The following DTNBP1 variants were observed in gnomAD, a reference collection of about 807,000 sequenced individuals.
DTNBP1 encodes dystrobrevin binding protein 1, also known as dysbindin.
In DTNBP1, 35 loss-of-function variants were observed where a neutral mutation model predicts 42.8. The ratio of observed to expected loss-of-function variants is 0.82; its 90% CI spans 0.63 to 1.09. The LOEUF (loss-of-function observed/expected upper bound fraction) is 1.09, where lower values mean the gene tolerates loss of function less well. Ranked by LOEUF, DTNBP1 falls within the 50% of genes least tolerant of loss-of-function variation. DTNBP1 has a pLI of 0.00. For missense variants in DTNBP1, 457 were observed against 424.2 expected, an observed-to-expected ratio of 1.08 and a Z score of -0.68; for synonymous variants, 171 against 162.2, an observed-to-expected ratio of 1.05 and a Z score of -0.41.
intron 8 of DTNBP1, among the ~76,000 whole-genome samples, chr6:15,531,857 C>G (rs1772852947): frequency 6.6e-6 from 1 of 152,252 alleles, no homozygotes; most frequent in Non-Finnish European, 1.5e-5. Context: ...TGGTCTCCAT[C>G]TCTTGACCTC....
At chr6:15,592,351 C>T (rs1776333962) in intron 7 of DTNBP1, among the ~76,000 whole-genome samples, 1 of 152,184 alleles carries the variant, frequency 6.6e-6, no homozygotes, top group Admixed American at 6.5e-5. Context: ...AGGATTTCTA[C>T]TACTTAATTG....
chr6:15,557,814 A>G (rs1460668648), intron 7 of DTNBP1, among the ~76,000 whole-genome samples: 1 of 152,112 alleles, frequency 6.6e-6, no homozygotes, highest in Non-Finnish European at 1.5e-5. Flanking sequence ...GTGACCTAGG[A>G]TTCTATTTTA....
intron 4 of DTNBP1, among the ~76,000 whole-genome samples, chr6:15,629,681 T>C (rs967508839): frequency 6.6e-5 from 10 of 152,294 alleles, no homozygotes; most frequent in Admixed American, 2.6e-4. Context: ...ACATATATTA[T>C]CTCATTTAAA....
intron 4 of DTNBP1, among the ~76,000 whole-genome samples, chr6:15,628,856 T>G (rs573755704): frequency 6.6e-6 from 1 of 152,342 alleles, no homozygotes; most frequent in African/African-American, 2.4e-5. Context: ...TGTTCGTACA[T>G]TTCACTATAG....
rs58633601 is a variant in DTNBP1, at chr6:15,627,790, GA to G, written c.223-316del. Among the ~76,000 whole-genome samples, 22,711 of 114,210 alleles carry G rather than the reference GA, an allele frequency of 0.2. 2,515 individuals are homozygous for G. Among genetic ancestry groups the G allele is most frequent in the African/African-American group, 0.37 (12,650 of 34,036 alleles). 74.9% of individuals were successfully genotyped at this position (114,210 alleles called of 152,430 possible). A position where few individuals can be genotyped will look rare whatever the true frequency, so the allele number is the denominator to read the frequency against. On this transcript the variant is annotated intron_variant, in intron 4 of 9. Coordinates refer to ENST00000344537, the MANE Select transcript of DTNBP1 (RefSeq NM_032122.5). ...CCATGTATTTGAAAAGCTAAATCTA[GA>G]AAAAAAAAAAACAAAAACAAAAAAC...
chr6:15,661,089 A>G (rs1761586801), intron 1 of DTNBP1, among the ~76,000 whole-genome samples: 1 of 152,250 alleles, frequency 6.6e-6, no homozygotes, highest in South Asian at 2.1e-4. Context: ...GACGCATGGT[A>G]AGTGCTCAAG....
At chr6:15,642,875 A>C (rs1257943508) in intron 3 of DTNBP1, among the ~76,000 whole-genome samples, 2 of 152,254 alleles carry the variant, frequency 1.3e-5, no homozygotes, top group African/African-American at 4.8e-5. Context: ...ATGAGAAGGA[A>C]TCAATGCAAG....
intron 7 of DTNBP1, among the ~76,000 whole-genome samples, chr6:15,533,795 G>A (rs1773040104): frequency 6.6e-6 from 1 of 152,186 alleles, no homozygotes; most frequent in East Asian, 1.9e-4. Context: ...GACTTTTGCA[G>A]CTGACTTACA....
chr6:15,555,463 C>T (rs1396916502), intron 7 of DTNBP1, among the ~76,000 whole-genome samples: 7 of 152,068 alleles, frequency 4.6e-5, no homozygotes, highest in Admixed American at 4.6e-4. Flanking sequence ...GTAATAAAGA[C>T]CCTGCTGATA....
chr6:15,597,301 C>A (rs1490005014), intron 6 of DTNBP1, among the ~76,000 whole-genome samples: 8 of 152,112 alleles, frequency 5.3e-5, no homozygotes, highest in Non-Finnish European at 1.0e-4. Flanking sequence ...GTAGGAAAGG[C>A]CTCCTGGAGA....
intron 7 of DTNBP1, among the ~76,000 whole-genome samples, chr6:15,557,865 T>C (rs974154850): frequency 1.3e-5 from 2 of 152,146 alleles, no homozygotes; most frequent in Non-Finnish European, 2.9e-5. Context: ...TGACAAACTT[T>C]CCAAAGTAAA....
chr6:15,532,106 A>T (rs1342412648), intron 8 of DTNBP1, among the ~76,000 whole-genome samples: 2 of 151,970 alleles, frequency 1.3e-5, no homozygotes, highest in African/African-American at 4.9e-5. Context: ...GGTGTCCAGA[A>T]GATGATGAGA....
At chr6:15,626,597 T>A (rs138857861) in intron 5 of DTNBP1, among the ~76,000 whole-genome samples, 85 of 152,224 alleles carry the variant, frequency 5.6e-4, no homozygotes, top group Middle Eastern at 3.4e-3. Flanking sequence ...TGCAATATTA[T>A]CCTTAGATGT....
At chr6:15,568,323 C>G (rs1775188455) in intron 7 of DTNBP1, among the ~76,000 whole-genome samples, 1 of 152,248 alleles carries the variant, frequency 6.6e-6, no homozygotes, top group African/African-American at 2.4e-5. Context: ...CTCCACTATT[C>G]ATCAAAGTTA....
chr6:15,526,686 G>T (rs1772425633), intron 8 of DTNBP1, among the ~76,000 whole-genome samples: 1 of 152,166 alleles, frequency 6.6e-6, no homozygotes, highest in Non-Finnish European at 1.5e-5. Flanking sequence ...GGTCAGGCTT[G>T]TTCTTTTTGG....
chr6:15,619,007 C>T (rs1028044716), intron 5 of DTNBP1, among the ~76,000 whole-genome samples: 11 of 152,152 alleles, frequency 7.2e-5, no homozygotes, highest in Admixed American at 5.2e-4. Context: ...TTTTCACCCA[C>T]ATGTGGAAGC....
chr6:15,607,794 T>C (rs1758163101), intron 6 of DTNBP1, among the ~76,000 whole-genome samples: 2 of 152,200 alleles, frequency 1.3e-5, no homozygotes. Context: ...TAAAAAATGT[T>C]TAATTCAATT....
chr6:15,537,803 C>T (rs1473347925), intron 7 of DTNBP1, among the ~76,000 whole-genome samples: 1 of 152,152 alleles, frequency 6.6e-6, no homozygotes, highest in Non-Finnish European at 1.5e-5. Context: ...GCTGAGGCCT[C>T]CCCAGCTATG....
intron 4 of DTNBP1, among the ~76,000 whole-genome samples, chr6:15,634,181 A>ATCTAGATTAT: frequency 6.6e-6 from 1 of 152,130 alleles, no homozygotes; most frequent in Non-Finnish European, 1.5e-5. Flanking sequence ...ATCTAGATTA[A>ATCTAGATTAT]TCATTTAAAA....
Sources: allele counts gnomAD v4.1 joint callset (sites outside exome capture counted in the v4.1 genomes callset), GRCh38; gene constraint gnomAD v4.1.1; transcripts MANE v1.5; gene names NCBI Gene and HGNC (gene_info 2026-07-23, HGNC 2026-07-21).